SCNN1B: variants seen among roughly 807,000 people sequenced by gnomAD.
The protein encoded by SCNN1B is epithelial sodium channel subunit beta.
In SCNN1B, 46 loss-of-function variants were observed where a neutral mutation model predicts 65.3. The ratio of observed to expected loss-of-function variants is 0.70; its 90% CI spans 0.56 to 0.90. SCNN1B has a LOEUF of 0.90. Ranked by LOEUF, SCNN1B falls within the 40% of genes least tolerant of loss-of-function variation. The pLI is 0.00. For missense variants in SCNN1B, 751 were observed against 830.5 expected, an observed-to-expected ratio of 0.90 and a Z score of 1.18; for synonymous variants, 349 against 330.6, an observed-to-expected ratio of 1.06 and a Z score of -0.60.
chr16:23,380,119 T>G lies in SCNN1B; in HGVS notation c.1492T>G (p.Tyr498Asp), dbSNP rs530215741. Residue 498 changes from tyrosine to aspartate, a missense_variant, in exon 12 of 13, where the codon TAC becomes GAC. Physicochemically the swap from Tyr to Asp is radical, Grantham distance 160. Transcript: ENST00000343070. The surrounding 1 kb of genome is among the most constrained non-coding windows in gnomAD (Gnocchi z 5.4). ...SRKGIVKLNIYFQEFNYRTIE... is the reference protein window; with the variant it reads ...SRKGIVKLNIDFQEFNYRTIE... ...GAAGGGAATTGTCAAGCTCAACATC[T>G]ACTTCCAAGAATTTAACTATCGCAC... is the stretch of plus-strand genomic sequence containing the variant. 1 of 1,614,112 alleles carries G rather than the reference T, an allele frequency of 6.2e-7. No homozygotes were observed. Among genetic ancestry groups the G allele is most frequent in the East Asian group, 2.2e-5 (1 of 44,872 alleles).
At chr16:23,292,529 G>A (rs761833475) in intron 2 of SCNN1B, among the ~76,000 whole-genome samples, 4 of 147,938 alleles carry the variant, frequency 2.7e-5, no homozygotes, top group South Asian at 2.2e-4. Context: ...TTTGAGACAC[G>A]GTCTCACTCT....
chr16:23,278,518 A>T (rs9931113), intron 1 of SCNN1B, among the ~76,000 whole-genome samples: 3 of 151,682 alleles, frequency 2.0e-5, no homozygotes, highest in African/African-American at 7.3e-5. Flanking sequence ...AGAATAGGTA[A>T]ATCCATGCAG....
intron 3 of SCNN1B, among the ~76,000 whole-genome samples, chr16:23,354,310 A>G (rs1199693693): frequency 2.0e-5 from 3 of 152,254 alleles, no homozygotes; most frequent in African/African-American, 4.8e-5. Flanking sequence ...AAGGGCTGCC[A>G]TTACTTCCCC....
At position 23,371,424 on chromosome 16, in the gene SCNN1B, G is replaced by A. The variant is rs200278167; in HGVS notation, c.1006G>A (p.Ala336Thr). Residue 336 changes from alanine to threonine, a missense_variant, in exon 6 of 13, where the codon GCC (alanine) becomes ACC (threonine). Transcript: ENST00000343070. ...YPFIRDEGIY[A>T]MSGTETSIGV... ...CTTCATCAGAGATGAGGGCATCTAC[G>A]CCATGTCGGGGACAGAGACGTCCAT... 8.5e-5 allele frequency: 138 copies of A among 1,614,110 alleles called. No individual in the cohort carries two copies. In the Admixed American group the frequency reaches 1.6e-3, roughly 19 times the overall value.
In SCNN1B at chr16:23,355,346, T is replaced by C; in HGVS notation, c.633T>C (p.Ala211=). ...TQCTFRNFTS[A]TQALTEWYIL... is the part of the protein sequence containing the mutation. Reference sequence around the variant, plus strand: ...GTACCTTCCGGAACTTCACCAGTGCTACCCAGGCATTGACAGAGTGGTACA... The same window carrying C: ...GTACCTTCCGGAACTTCACCAGTGCCACCCAGGCATTGACAGAGTGGTACA... Residue 211 remains alanine, a synonymous_variant, in exon 4 of 13, where the codon GCT becomes GCC. Coordinates refer to ENST00000343070, the MANE Select transcript of SCNN1B (RefSeq NM_000336.3). 6.2e-7 allele frequency: 1 copy of C among 1,614,182 alleles called. No individual in the cohort carries two copies. Among genetic ancestry groups the C allele is most frequent in the South Asian group, 1.1e-5 (1 of 91,070 alleles).
intron 1 of SCNN1B, among the ~76,000 whole-genome samples, chr16:23,319,547 G>A (rs1329334630): frequency 6.6e-6 from 1 of 152,206 alleles, no homozygotes; most frequent in Non-Finnish European, 1.5e-5. Flanking sequence ...CATAAGTGAA[G>A]TGTGGTTGAA....
chr16:23,301,723 G>A (rs1961088524), upstream of SCNN1B, among the ~76,000 whole-genome samples: 1 of 152,192 alleles, frequency 6.6e-6, no homozygotes, highest in African/African-American at 2.4e-5. Context: ...CCCAATCTCG[G>A]GGTGGGCTGT....
chr16:23,331,502 T>C (rs549777572), intron 1 of SCNN1B, among the ~76,000 whole-genome samples: 2 of 152,140 alleles, frequency 1.3e-5, no homozygotes, highest in East Asian at 3.9e-4. Flanking sequence ...TTTTTGTATT[T>C]TTTTTAGTAG....
At chr16:23,378,851 C>A in intron 11 of SCNN1B, 84 bp downstream of exon 11, 2 of 1,256,094 alleles carry the variant, frequency 1.6e-6, no homozygotes, top group South Asian at 1.2e-5. Flanking sequence ...AGGACAGCTC[C>A]TCAGACACAT....
chr16:23,307,030 GA>G (rs1961233754), intron 1 of SCNN1B, among the ~76,000 whole-genome samples: 1 of 152,174 alleles, frequency 6.6e-6, no homozygotes, highest in African/African-American at 2.4e-5. Flanking sequence ...TGAGGCTCAA[GA>G]AGAGTAAACC....
chr16:23,337,376 T>TTC (rs1961964593), intron 1 of SCNN1B, among the ~76,000 whole-genome samples: 1 of 143,632 alleles, frequency 7.0e-6, no homozygotes, highest in African/African-American at 2.6e-5. Context: ...CTTTCTTTCT[T>TTC]TTTTTTTTTT....
intron 1 of SCNN1B, among the ~76,000 whole-genome samples, chr16:23,333,133 GGGAGGAAGGAAGGAAA>G (rs1407288685): frequency 2.7e-5 from 3 of 111,926 alleles, no homozygotes; most frequent in African/African-American, 1.3e-4. Flanking sequence ...GAGGGAGGGA[GGGAGGAAGGAAGGAAA>G]GAAGGAAGGA....
At chr16:23,294,452 A>G (rs1400833473) in intron 2 of SCNN1B, among the ~76,000 whole-genome samples, 4 of 149,562 alleles carry the variant, frequency 2.7e-5, no homozygotes, top group African/African-American at 4.9e-5. Context: ...CTCTCCCCCA[A>G]GCTTTGTTCC....
At chr16:23,341,808 A>G (rs1393515021) in intron 1 of SCNN1B, among the ~76,000 whole-genome samples, 1 of 152,234 alleles carries the variant, frequency 6.6e-6, no homozygotes, top group Admixed American at 6.5e-5. Flanking sequence ...GGTAGCTGTA[A>G]TAACTTTTTA....
chr16:23,380,920 C>T lies in SCNN1B; in HGVS notation c.*119C>T. 1 of 1,130,456 alleles carries T rather than the reference C, an allele frequency of 8.8e-7. No homozygotes were observed. The highest frequency in any genetic ancestry group is 1.3e-6 in the Non-Finnish European group (1 of 750,444). The allele number at this position is 1,130,456 out of a possible 1,614,324, so 70.0% of individuals were successfully genotyped here. A position where few individuals can be genotyped will look rare whatever the true frequency, so the allele number is the denominator to read the frequency against. ...GGGAGGGTAGCTCTCCAGGCCAGAGCTTGTGTCCTTCAACAGAGAGGCCAG... is the reference window on the plus strand; with the variant it reads ...GGGAGGGTAGCTCTCCAGGCCAGAGTTTGTGTCCTTCAACAGAGAGGCCAG... On this transcript the variant is annotated 3_prime_UTR_variant, in exon 13 of 13. Coordinates refer to ENST00000343070, the MANE Select transcript of SCNN1B (RefSeq NM_000336.3). The surrounding 1 kb of genome is among the most constrained non-coding windows in gnomAD (Gnocchi z 5.4).
chr16:23,279,421 A>C (rs780037876), intron 1 of SCNN1B, among the ~76,000 whole-genome samples: 10 of 149,640 alleles, frequency 6.7e-5, no homozygotes, highest in Non-Finnish European at 1.5e-4. Context: ...ATTTACTGAG[A>C]TGGAGAAAAC....
intron 2 of SCNN1B, among the ~76,000 whole-genome samples, chr16:23,295,344 C>T (rs117451928): frequency 3.3e-5 from 5 of 150,022 alleles, no homozygotes; most frequent in East Asian, 2.0e-4. Flanking sequence ...TCAGCTTTCC[C>T]GAGTAGCTGG....
At chr16:23,359,224 C>T (rs1271803065) in intron 4 of SCNN1B, 2 of 152,164 alleles carry the variant, frequency 1.3e-5, no homozygotes, top group Admixed American at 6.6e-5. Flanking sequence ...CCAGCCTTCC[C>T]CATCATTTTA....
chr16:23,355,336 TCAC>T lies in SCNN1B; in HGVS notation c.626_628del (p.Thr209del). ...AGGACCCAGTGTACCTTCCGGAACT[TCAC>T]CAGTGCTACCCAGGCATTGACAGAG... On this transcript the variant is annotated inframe_deletion, in exon 4 of 13. Coordinates refer to ENST00000343070, the MANE Select transcript of SCNN1B (RefSeq NM_000336.3). 1 of 1,614,110 alleles carries T rather than the reference TCAC, an allele frequency of 6.2e-7. No individual in the cohort carries two copies. Among genetic ancestry groups the T allele is most frequent in the Non-Finnish European group, 8.5e-7 (1 of 1,180,014 alleles).
Sources: allele counts gnomAD v4.1 joint callset (sites outside exome capture counted in the v4.1 genomes callset), GRCh38; gene constraint gnomAD v4.1.1; non-coding constraint Gnocchi (gnomAD v3.1); transcripts MANE v1.5; gene names NCBI Gene and HGNC (gene_info 2026-07-23, HGNC 2026-07-21).